Variants in BCAS1 observed in about 807,000 individuals in gnomAD.
The protein encoded by BCAS1 is breast carcinoma-amplified sequence 1.
BCAS1 carries 46 observed loss-of-function variants against 65.4 expected under a neutral mutation model. The ratio of observed to expected loss-of-function variants is 0.70; its 90% CI spans 0.55 to 0.90. BCAS1 has a LOEUF of 0.90. BCAS1 is among the 40% of genes least tolerant of loss of function. The pLI, the probability that BCAS1 is intolerant of heterozygous loss-of-function variation, is 0.00. For missense variants in BCAS1, 793 were observed against 771.2 expected (o/e 1.03, Z -0.33); for synonymous variants, 298 against 293.5 (o/e 1.02, Z -0.16).
intron 8 of BCAS1, among the ~76,000 whole-genome samples, chr20:53,976,423 AT>A (rs73625490): frequency 0.033 from 4,809 of 147,184 alleles, 356 homozygotes; most frequent in East Asian, 0.32. Flanking sequence ...ACTAAGTCCT[AT>A]TTTTTTTTTT....
Position 53,943,586 on chromosome 20 carries a change from C to G in BCAS1, c.*1336G>C, listed in dbSNP as rs2089211537. On this transcript the variant is annotated 3_prime_UTR_variant, in exon 13 of 13. Transcript: ENST00000688948. ...TTATTAAATCAGAAAAAGAAAGATA[C>G]AGTTTACATGACTGTCAGTCAATCA... is the stretch of plus-strand genomic sequence containing the variant. The G allele has an allele frequency of 1.3e-5, 2 of 152,116 alleles. No homozygotes were observed. Among genetic ancestry groups the G allele is most frequent in the South Asian group, 4.1e-4 (2 of 4,822 alleles). 9.4% of individuals were successfully genotyped at this position (152,116 alleles called of 1,614,324 possible). A position where few individuals can be genotyped will look rare whatever the true frequency, so the allele number is the denominator to read the frequency against.
chr20:54,016,907 T>C (rs540766941), intron 4 of BCAS1, among the ~76,000 whole-genome samples: 1 of 152,322 alleles, frequency 6.6e-6, no homozygotes, highest in East Asian at 1.9e-4. Context: ...TGATACTCTC[T>C]ACTGTAAATC....
At position 54,058,039 on chromosome 20, in the gene BCAS1, C is replaced by T. The variant is rs770509059; in HGVS notation, c.142+46G>A. The T allele has an allele frequency of 8.4e-6, 12 of 1,421,618 alleles. No individual in the cohort carries two copies. In the African/African-American group the frequency reaches 1.4e-4, roughly 17 times the overall value. The allele number at this position is 1,421,618 out of a possible 1,614,324, so 88.1% of individuals were successfully genotyped here. On this transcript the variant is annotated intron_variant, in intron 3 of 12. Coordinates refer to ENST00000688948, the MANE Select transcript of BCAS1 (RefSeq NM_001366298.2). ...CACCGTAAACAGCATCTGCAGACCCCCCTTCCCCACGAGAGGGTAGATGCC... is the reference window on the plus strand; with the variant it reads ...CACCGTAAACAGCATCTGCAGACCCTCCTTCCCCACGAGAGGGTAGATGCC...
At chr20:53,969,654 T>C (rs555663431) in intron 9 of BCAS1, among the ~76,000 whole-genome samples, 77 of 152,292 alleles carry the variant, frequency 5.1e-4, no homozygotes, top group Middle Eastern at 6.8e-3. Flanking sequence ...GGCTCCACAA[T>C]ATCTCTAACA....
At chr20:53,987,714 CTATTCCTCTCAA>C (rs1480378325) in intron 7 of BCAS1, among the ~76,000 whole-genome samples, 1 of 152,056 alleles carries the variant, frequency 6.6e-6, no homozygotes, top group African/African-American at 2.4e-5. Context: ...CGATTTGAGG[CTATTCCTCTCAA>C]TCCCATAAAA....
At chr20:54,058,423 AG>A (rs374358340) in intron 2 of BCAS1, among the ~76,000 whole-genome samples, 15 of 152,106 alleles carry the variant, frequency 9.9e-5, no homozygotes, top group African/African-American at 3.6e-4. Context: ...CGTCGCACGG[AG>A]GGGACCCCAG....
At chr20:54,032,359 A>G (rs562721019) in intron 3 of BCAS1, among the ~76,000 whole-genome samples, 1 of 151,550 alleles carries the variant, frequency 6.6e-6, no homozygotes, top group Admixed American at 6.6e-5. Flanking sequence ...CCATTACCAG[A>G]CACTACAAAA....
chr20:53,990,910 G>A (rs1320207303), intron 7 of BCAS1, among the ~76,000 whole-genome samples: 1 of 152,140 alleles, frequency 6.6e-6, no homozygotes, highest in Non-Finnish European at 1.5e-5. Context: ...CTGTTCCCGC[G>A]GCCTCTTCCC....
intron 12 of BCAS1, among the ~76,000 whole-genome samples, chr20:53,951,901 G>C (rs1006820999): frequency 1.6e-4 from 24 of 152,204 alleles, no homozygotes; most frequent in Admixed American, 5.2e-4. Context: ...TGGGATAGGA[G>C]AGAGAAGCTA....
intron 12 of BCAS1, among the ~76,000 whole-genome samples, chr20:53,951,477 A>G (rs540785965): frequency 5.3e-4 from 80 of 152,334 alleles, no homozygotes; most frequent in African/African-American, 1.9e-3. Context: ...ATCTCAAAAA[A>G]ACAAAAGAAG....
At position 53,974,356 on chromosome 20, in the gene BCAS1, G is replaced by A. The variant is rs1568831820; in HGVS notation, c.1317+1033C>T. On this transcript the variant is annotated intron_variant, in intron 9 of 12. Transcript: ENST00000688948. ...GTAACACTCACTGCGAAGGTCTGTG[G>A]CTTCTTTCTTGAAGTCAGCGAGACC... Among the ~76,000 whole-genome samples, 3 of 152,152 alleles carry A rather than the reference G, an allele frequency of 2.0e-5. No individual in the cohort carries two copies. In the South Asian group the frequency reaches 6.2e-4, roughly 32 times the overall value.
At chr20:54,040,380 C>T (rs556563595) in intron 3 of BCAS1, among the ~76,000 whole-genome samples, 5 of 151,348 alleles carry the variant, frequency 3.3e-5, no homozygotes, top group East Asian at 3.9e-4. Context: ...GTTGTTAGGA[C>T]ACCACGGGTC....
intron 3 of BCAS1, among the ~76,000 whole-genome samples, chr20:54,032,585 C>T (rs1366038774): frequency 6.6e-6 from 1 of 151,192 alleles, no homozygotes; most frequent in Non-Finnish European, 1.5e-5. Context: ...GACCCATCTC[C>T]TATGCAGTGA....
At chr20:54,065,005 G>A (rs1329700071) in intron 1 of BCAS1, among the ~76,000 whole-genome samples, 1 of 152,168 alleles carries the variant, frequency 6.6e-6, no homozygotes, top group Non-Finnish European at 1.5e-5. Flanking sequence ...ATGGGAAAGT[G>A]CCTGGCAGGG....
chr20:53,972,051 G>GTTTT, intron 9 of BCAS1, among the ~76,000 whole-genome samples: 1 of 152,250 alleles, frequency 6.6e-6, no homozygotes, highest in Admixed American at 6.5e-5. Flanking sequence ...ACATCACTCT[G>GTTTT]TTTTTTAGTT....
At chr20:53,990,904 TC>T (rs2090740578) in intron 7 of BCAS1, among the ~76,000 whole-genome samples, 1 of 152,216 alleles carries the variant, frequency 6.6e-6, no homozygotes, top group South Asian at 2.1e-4. Flanking sequence ...AGAAGGCTGT[TC>T]CCGCGGCCTC....
At position 54,028,834 on chromosome 20, in the gene BCAS1, C is replaced by T. The variant is rs776251840; in HGVS notation, c.281G>A (p.Arg94His). 5.6e-6 allele frequency: 9 copies of T among 1,613,920 alleles called. No individual in the cohort carries two copies. The South Asian group carries it at 7.7e-5, about 14-fold the overall frequency. Residue 94 changes from arginine (R) to histidine (H), a missense_variant, in exon 4 of 13, where the codon CGT becomes CAT. By Grantham distance (29) the Arg-to-His change is conservative. Transcript: ENST00000688948. ...AKPEAPAAKS[R>H]FFLMLSRPVP... is the part of the protein sequence containing the mutation. ...AGGCCGAGAGAGCATCAAGAAAAAA[C>T]GAGATTTAGCAGCTGGTGCCTCGGG...
intron 8 of BCAS1, among the ~76,000 whole-genome samples, chr20:53,981,488 C>T (rs535499387): frequency 5.0e-4 from 75 of 150,924 alleles, no homozygotes; most frequent in African/African-American, 1.7e-3. Context: ...TTGCAAATTT[C>T]GTTGTTTCAG....
At chr20:53,951,503 C>T (rs948603546) in intron 12 of BCAS1, among the ~76,000 whole-genome samples, 1 of 152,086 alleles carries the variant, frequency 6.6e-6, no homozygotes, top group African/African-American at 2.4e-5. Context: ...TACAAGAAAT[C>T]CAAATACTTT....
Sources: gnomAD v4.1 joint callset for allele counts (sites outside exome capture counted in the v4.1 genomes callset) on GRCh38, gnomAD v4.1.1 for gene constraint, MANE v1.5 for transcripts, NCBI Gene and HGNC (gene_info 2026-07-23, HGNC 2026-07-21) for gene names.